PTP4A2: variants seen among roughly 807,000 people sequenced by gnomAD.
PTP4A2 encodes protein tyrosine phosphatase type IVA 2.
PTP4A2 carries 2 observed loss-of-function variants against 22.9 expected under a neutral mutation model. The observed-to-expected ratio is 0.09, with a 90% CI of 0.04 to 0.27. PTP4A2 has a LOEUF of 0.27. Among genes scored for constraint, PTP4A2 ranks in the 10% least tolerant of loss-of-function variants. The pLI, the probability that PTP4A2 is intolerant of heterozygous loss-of-function variation, is 1.00. For missense variants in PTP4A2, 103 were observed against 205.1 expected (o/e 0.50, Z 3.04); for synonymous variants, 68 against 69.1 (o/e 0.98, Z 0.08).
chr1:31,919,126 ATC>A lies in PTP4A2; in HGVS notation c.-63_-62del. On this transcript the variant is annotated 5_prime_UTR_variant, in exon 2 of 6. It removes the in-frame stop codon of an upstream open reading frame in the 5' UTR. Coordinates refer to ENST00000647444, the MANE Select transcript of PTP4A2 (RefSeq NM_080391.4). ...GTGATGGGGAAAGTGAAAAAAAAAA[ATC>A]AATAAATCTTGAAATGTTTCACAGC... is the stretch of plus-strand genomic sequence containing the variant. 2 of 810,676 alleles carry A rather than the reference ATC, an allele frequency of 2.5e-6. No individual in the cohort carries two copies. The highest frequency in any genetic ancestry group is 2.1e-6 in the Non-Finnish European group (1 of 482,142). 50.2% of individuals were successfully genotyped at this position (810,676 alleles called of 1,614,324 possible). A position where few individuals can be genotyped will look rare whatever the true frequency, so the allele number is the denominator to read the frequency against.
In PTP4A2 at chr1:31,906,657, C is replaced by A. The variant is rs1044907278; in HGVS notation, c.*2195G>T. The A allele has an allele frequency of 1.3e-5, 2 of 152,016 alleles. No homozygotes were observed. The highest frequency in any genetic ancestry group is 4.8e-5 in the African/African-American group (2 of 41,372). The allele number at this position is 152,016 out of a possible 1,614,324, so 9.4% of individuals were successfully genotyped here. A position where few individuals can be genotyped will look rare whatever the true frequency, so the allele number is the denominator to read the frequency against. ...GGCTAATGTTTCATGTTGCTTTATA[C>A]ATCCTTCTCCTCAATACAGAACCAG... On this transcript the variant is annotated 3_prime_UTR_variant, in exon 6 of 6. Coordinates refer to ENST00000647444, the MANE Select transcript of PTP4A2 (RefSeq NM_080391.4).
intron 1 of PTP4A2, chr1:31,931,145 A>T (rs370867990): frequency 3.0e-4 from 46 of 152,260 alleles, no homozygotes; most frequent in African/African-American, 1.1e-3. Context: ...TCAAGCTCCT[A>T]GAAGAATCAA....
intron 1 of PTP4A2, among the ~76,000 whole-genome samples, chr1:31,924,729 C>T (rs562815774): frequency 4.1e-4 from 62 of 152,162 alleles, no homozygotes; most frequent in Non-Finnish European, 7.5e-4. Flanking sequence ...ACTCCCTCTC[C>T]ATTTAATTTT....
intron 1 of PTP4A2, among the ~76,000 whole-genome samples, chr1:31,920,703 A>C (rs866040803): frequency 1.3e-5 from 2 of 151,656 alleles, no homozygotes; most frequent in South Asian, 4.2e-4. Flanking sequence ...ACACCTGGCT[A>C]ATTTTTGTAT....
intron 1 of PTP4A2, among the ~76,000 whole-genome samples, chr1:31,926,317 C>G (rs932600817): frequency 6.6e-6 from 1 of 150,974 alleles, no homozygotes; most frequent in African/African-American, 2.4e-5. Flanking sequence ...TATAAAGGTA[C>G]AATAAAAGAA....
chr1:31,928,216 TA>T (rs1652558416), intron 1 of PTP4A2, among the ~76,000 whole-genome samples: 1 of 139,368 alleles, frequency 7.2e-6, no homozygotes, highest in Non-Finnish European at 1.5e-5. Flanking sequence ...TTATAATATA[TA>T]AATATAATAA....
chr1:31,937,163 G>C (rs1652971105), intron 1 of PTP4A2, among the ~76,000 whole-genome samples: 1 of 152,064 alleles, frequency 6.6e-6, no homozygotes, highest in African/African-American at 2.4e-5. Flanking sequence ...GACTAGGATA[G>C]GATGGCATCA....
intron 1 of PTP4A2, among the ~76,000 whole-genome samples, chr1:31,929,043 G>A (rs1235743521): frequency 6.6e-6 from 1 of 152,188 alleles, no homozygotes; most frequent in South Asian, 2.1e-4. Context: ...GGTGATTAAC[G>A]GTTGTCCTTT....
Position 31,915,963 on chromosome 1 carries a change from T to A in PTP4A2, c.121A>T (p.Thr41Ser). 6.2e-7 allele frequency: 1 copy of A among 1,604,190 alleles called. No homozygotes were observed. The highest frequency in any genetic ancestry group is 8.5e-7 in the Non-Finnish European group (1 of 1,175,422). ...GTAGCATCACAAACTCGAACCAAAGTCGTCACTCCATACTTCTTAAGTTCC... is the reference window on the plus strand; with the variant it reads ...GTAGCATCACAAACTCGAACCAAAGACGTCACTCCATACTTCTTAAGTTCC... The part of the protein sequence containing the change: ...TEELKKYGVT[T>S]LVRVCDATYD... Residue 41 changes from threonine to serine, a missense_variant, in exon 3 of 6, where the codon ACT becomes TCT. Thr to Ser is a moderately conservative substitution (Grantham distance 58). Around this residue, in one of 3 missense-constraint regions of PTP4A2, gnomAD observed 66 missense variants for 113.0 expected, o/e 0.58. Coordinates refer to ENST00000647444, the MANE Select transcript of PTP4A2 (RefSeq NM_080391.4).
At chr1:31,935,612 T>G (rs1413651069) in intron 1 of PTP4A2, 2 of 152,214 alleles carry the variant, frequency 1.3e-5, no homozygotes, top group African/African-American at 2.4e-5. Context: ...GTATCTCTTC[T>G]TCTCACCACT....
rs1337241449 is a variant in PTP4A2, at chr1:31,908,803, A to C, written c.*49T>G. ...CAGATTCACATTTCCAGGTACCAAGAGTTCCCTCTAAATGGCACAATCAAG... is the reference window on the plus strand; with the variant it reads ...CAGATTCACATTTCCAGGTACCAAGCGTTCCCTCTAAATGGCACAATCAAG... On this transcript the variant is annotated 3_prime_UTR_variant, in exon 6 of 6. Transcript: ENST00000647444. The C allele has an allele frequency of 7.6e-7, 1 of 1,314,388 alleles. No individual in the cohort carries two copies. The highest frequency in any genetic ancestry group is 1.1e-6 in the Non-Finnish European group (1 of 914,100). 81.4% of individuals were successfully genotyped at this position (1,314,388 alleles called of 1,614,324 possible). A position where few individuals can be genotyped will look rare whatever the true frequency, so the allele number is the denominator to read the frequency against.
intron 3 of PTP4A2, 136 bp from the exon 4 acceptor site, chr1:31,911,962 T>G (rs776564647): frequency 2.0e-6 from 1 of 489,072 alleles, no homozygotes; most frequent in Non-Finnish European, 3.5e-6. Flanking sequence ...GTTAACACAA[T>G]TCTGATCATT....
intron 1 of PTP4A2, among the ~76,000 whole-genome samples, chr1:31,922,902 A>G (rs899240255): frequency 1.3e-5 from 2 of 150,970 alleles, no homozygotes; most frequent in African/African-American, 2.4e-5. Context: ...GATTACAGGC[A>G]TGAGTCACCG....
At chr1:31,928,800 C>G (rs537025352) in intron 1 of PTP4A2, among the ~76,000 whole-genome samples, 1 of 151,504 alleles carries the variant, frequency 6.6e-6, no homozygotes, top group Admixed American at 6.6e-5. Context: ...AGTCCCAGTA[C>G]AGAAATCAAT....
intron 3 of PTP4A2, chr1:31,914,230 C>T: frequency 2.2e-6 from 1 of 455,246 alleles, no homozygotes; most frequent in Non-Finnish European, 4.4e-6. Context: ...TCACGTCCAG[C>T]TAATTTTTGT....
chr1:31,936,177 C>A (rs1040017743), intron 1 of PTP4A2, among the ~76,000 whole-genome samples: 1 of 152,036 alleles, frequency 6.6e-6, no homozygotes, highest in Non-Finnish European at 1.5e-5. Flanking sequence ...CACCCTCACG[C>A]CTGTTAATCC....
chr1:31,930,268 G>A (rs528070658), intron 1 of PTP4A2, among the ~76,000 whole-genome samples: 3 of 152,168 alleles, frequency 2.0e-5, no homozygotes, highest in African/African-American at 4.8e-5. Flanking sequence ...AACCCCGGGG[G>A]GGCGGAACCT....
intron 2 of PTP4A2, among the ~76,000 whole-genome samples, chr1:31,916,371 A>T (rs1189728741): frequency 2.6e-4 from 35 of 134,654 alleles, no homozygotes; most frequent in African/African-American, 9.8e-4. Context: ...AAAAAAAAAA[A>T]AGAAATCTAC....
At chr1:31,915,852 A>G in intron 3 of PTP4A2, 43 bp downstream of exon 3, 1 of 1,282,318 alleles carries the variant, frequency 7.8e-7, no homozygotes, top group Admixed American at 2.1e-5. Context: ...TTATGTTTGA[A>G]AGATACAACT....
Sources: gnomAD v4.1 joint callset for allele counts (sites outside exome capture counted in the v4.1 genomes callset) on GRCh38, gnomAD v4.1.1 for gene constraint, gnomAD v4.1.1 regional missense constraint, MANE v1.5 for transcripts, NCBI Gene and HGNC (gene_info 2026-07-23, HGNC 2026-07-21) for gene names.